Variants in TMEM87A observed in about 807,000 individuals in gnomAD.
The protein encoded by TMEM87A is transmembrane protein 87A, also known as Golgi-pH regulating cation channel.
TMEM87A carries 50 observed loss-of-function variants against 90.0 expected under a neutral mutation model. The ratio of observed to expected loss-of-function variants is 0.56; its 90% CI spans 0.44 to 0.70. TMEM87A has a LOEUF of 0.70. Ranked by LOEUF, TMEM87A falls within the 30% of genes least tolerant of loss-of-function variation. The probability of loss-of-function intolerance (pLI) is 0.00; values close to 1 mark genes in which losing one functional copy is unlikely to be tolerated. For missense variants in TMEM87A, 577 were observed against 660.5 expected, an observed-to-expected ratio of 0.87 and a Z score of 1.39; for synonymous variants, 226 against 226.7, an observed-to-expected ratio of 1.00 and a Z score of 0.03.
intron 14 of TMEM87A, chr15:42,227,491 C>G (rs1243534603): frequency 1.6e-5 from 7 of 441,408 alleles, no homozygotes; most frequent in Non-Finnish European, 4.1e-6. Flanking sequence ...TCTCCCAAAA[C>G]TGGGAGAATA....
At chr15:42,219,877 A>G (rs1174190043) in intron 16 of TMEM87A, among the ~76,000 whole-genome samples, 185 bp downstream of exon 16, 1 of 152,206 alleles carries the variant, frequency 6.6e-6, no homozygotes, top group Non-Finnish European at 1.5e-5. Context: ...AGTAAAATGG[A>G]TACTTAATGT....
chr15:42,255,575 T>A (rs1202211718), intron 6 of TMEM87A, among the ~76,000 whole-genome samples: 1 of 152,190 alleles, frequency 6.6e-6, no homozygotes, highest in Non-Finnish European at 1.5e-5. Context: ...CTGTACCTTT[T>A]ACTCAATTCT....
intron 12 of TMEM87A, among the ~76,000 whole-genome samples, chr15:42,230,320 T>G (rs368955669): frequency 5.8e-4 from 89 of 152,342 alleles, no homozygotes; most frequent in African/African-American, 2.1e-3. Context: ...TTTGGCTATT[T>G]AGTCCAAGGA....
At chr15:42,223,156 G>A (rs8029281) in intron 15 of TMEM87A, among the ~76,000 whole-genome samples, 7,522 of 152,194 alleles carry the variant, frequency 0.049, 612 homozygotes, top group African/African-American at 0.17. Context: ...GTTTTGGGAG[G>A]CCAAGGCAGG....
At chr15:42,273,551 A>G (rs1225881111), upstream of TMEM87A, 3 of 1,329,484 alleles carry the variant, frequency 2.3e-6, no homozygotes, top group South Asian at 1.4e-5. Flanking sequence ...TCTCTCAGAC[A>G]GTCGTCTGTG....
At chr15:42,243,757 T>A (rs895852062) in intron 7 of TMEM87A, among the ~76,000 whole-genome samples, 2 of 152,038 alleles carry the variant, frequency 1.3e-5, no homozygotes, top group African/African-American at 4.8e-5. Context: ...CGACCTCATG[T>A]GATCTGCCTG....
At chr15:42,247,859 C>T (rs1595733279) in intron 6 of TMEM87A, among the ~76,000 whole-genome samples, 1 of 152,138 alleles carries the variant, frequency 6.6e-6, no homozygotes, top group Non-Finnish European at 1.5e-5. Context: ...GGCATTGAAT[C>T]TATAAATTAC....
At chr15:42,273,083 G>T in intron 1 of TMEM87A, 172 bp downstream of exon 1, 1 of 757,298 alleles carries the variant, frequency 1.3e-6, no homozygotes, top group Non-Finnish European at 2.2e-6. Context: ...TCACAGAAGT[G>T]CGCGGCTTTC....
intron 10 of TMEM87A, among the ~76,000 whole-genome samples, chr15:42,234,340 AGTTT>A (rs2050737730): frequency 6.6e-6 from 1 of 152,220 alleles, no homozygotes; most frequent in Non-Finnish European, 1.5e-5. Flanking sequence ...AGTGTAGTGT[AGTTT>A]AAGATGTGCT....
chr15:42,261,031 T>C (rs2051279609), intron 5 of TMEM87A, 29 bp from the exon 6 acceptor site: 1 of 1,584,334 alleles, frequency 6.3e-7, no homozygotes, highest in African/African-American at 1.4e-5. Flanking sequence ...TAATAATAAT[T>C]AATTCAGAAC....
intron 15 of TMEM87A, among the ~76,000 whole-genome samples, chr15:42,221,700 TC>T (rs1267264132): frequency 1.3e-5 from 2 of 150,692 alleles, no homozygotes; most frequent in Non-Finnish European, 3.0e-5. Context: ...CAAGACCCCA[TC>T]TAAAATAAAA....
At chr15:42,267,817 G>T in intron 3 of TMEM87A, 130 bp downstream of exon 3, 1 of 589,254 alleles carries the variant, frequency 1.7e-6, no homozygotes, top group Non-Finnish European at 2.7e-6. Flanking sequence ...CTGCAAATTG[G>T]GAAGCATGCA....
At chr15:42,250,757 T>C (rs2051070079) in intron 6 of TMEM87A, among the ~76,000 whole-genome samples, 1 of 152,196 alleles carries the variant, frequency 6.6e-6, no homozygotes, top group African/African-American at 2.4e-5. Context: ...TGATGTTCTC[T>C]GTATTTCCTG....
At chr15:42,254,118 T>A (rs758803793) in intron 6 of TMEM87A, among the ~76,000 whole-genome samples, 1 of 152,126 alleles carries the variant, frequency 6.6e-6, no homozygotes, top group Non-Finnish European at 1.5e-5. Flanking sequence ...TAAAGCACTG[T>A]CTTCATGGTA....
At chr15:42,215,006 T>G (rs2050356879) in intron 19 of TMEM87A, among the ~76,000 whole-genome samples, 1 of 152,222 alleles carries the variant, frequency 6.6e-6, no homozygotes, top group African/African-American at 2.4e-5. Flanking sequence ...ATTTCATAGC[T>G]GTGTGAACTT....
In TMEM87A at chr15:42,242,233, G is replaced by C. The variant is rs551224037; in HGVS notation, c.622+1817C>G. Among the ~76,000 whole-genome samples the C allele has an allele frequency of 4.3e-4, 66 of 152,298 alleles. No individual in the cohort carries two copies. In the South Asian group the frequency reaches 0.013, roughly 31 times the overall value. On this transcript the variant is annotated intron_variant, in intron 7 of 19. Coordinates refer to ENST00000389834, the MANE Select transcript of TMEM87A (RefSeq NM_015497.5). ...GGCCAGAAGCAGGCTATGGTAGTTG[G>C]AAGTGCTGTCCCTATGGGATCTATG...
chr15:42,259,330 C>T (rs1353903674), intron 6 of TMEM87A, among the ~76,000 whole-genome samples: 2 of 152,088 alleles, frequency 1.3e-5, no homozygotes, highest in Non-Finnish European at 1.5e-5. Flanking sequence ...ACCACGTTGG[C>T]CAGGCTGGTG....
At chr15:42,247,581 A>C (rs2051001516) in intron 6 of TMEM87A, among the ~76,000 whole-genome samples, 1 of 152,180 alleles carries the variant, frequency 6.6e-6, no homozygotes, top group Admixed American at 6.5e-5. Context: ...AGGTTTGTCA[A>C]AGATCAGATG....
intron 2 of TMEM87A, among the ~76,000 whole-genome samples, chr15:42,268,272 T>A (rs2051444993): frequency 6.6e-6 from 1 of 152,192 alleles, no homozygotes; most frequent in Non-Finnish European, 1.5e-5. Context: ...AAACTGTGGA[T>A]CTATTTTTAT....
Sources: gnomAD v4.1 joint callset for allele counts (sites outside exome capture counted in the v4.1 genomes callset) on GRCh38, gnomAD v4.1.1 for gene constraint, MANE v1.5 for transcripts, NCBI Gene and HGNC (gene_info 2026-07-23, HGNC 2026-07-21) for gene names.